The following DLGAP1 variants were observed in gnomAD, a reference collection of about 807,000 sequenced individuals.
DLGAP1 encodes DLG associated protein 1, also known as disks large-associated protein 1.
DLGAP1 carries 11 observed loss-of-function variants against 90.8 expected under a neutral mutation model. The ratio of observed to expected loss-of-function variants is 0.12; its 90% confidence interval spans 0.08 to 0.20. The LOEUF (loss-of-function observed/expected upper bound fraction) is 0.20. DLGAP1 is among the 10% of genes least tolerant of loss of function. The probability of loss-of-function intolerance (pLI) is 1.00; values close to 1 mark genes in which losing one functional copy is unlikely to be tolerated. For synonymous variants in DLGAP1, 558 were observed against 540.7 expected, an observed-to-expected ratio of 1.03 and a Z score of -0.44; for missense variants, 1,050 against 1,333.8, an observed-to-expected ratio of 0.79 and a Z score of 3.31.
intron 7 of DLGAP1, among the ~76,000 whole-genome samples, chr18:3,588,911 G>T (rs140854595): frequency 5.9e-5 from 9 of 152,210 alleles, no homozygotes; most frequent in African/African-American, 2.2e-4. Flanking sequence ...GGCCAGGCGC[G>T]GTGGCTTATG....
intron 4 of DLGAP1, among the ~76,000 whole-genome samples, chr18:3,834,175 G>A (rs1199776828): frequency 2.6e-5 from 4 of 151,612 alleles, no homozygotes; most frequent in Admixed American, 6.6e-5. Flanking sequence ...GTGTGGTGGC[G>A]GGCACCTGTA....
intron 1 of DLGAP1, among the ~76,000 whole-genome samples, chr18:4,356,374 T>C (rs57798661): frequency 3.5e-4 from 54 of 152,280 alleles, no homozygotes; most frequent in Non-Finnish European, 6.3e-4. Flanking sequence ...AATCTCTACA[T>C]AGATTACCAG....
chr18:4,293,923 C>G (rs565913445), intron 1 of DLGAP1: 1 of 152,170 alleles, frequency 6.6e-6, no homozygotes, highest in South Asian at 2.1e-4. Context: ...TTCCTACCTG[C>G]CAAAACTTTG....
intron 4 of DLGAP1, among the ~76,000 whole-genome samples, chr18:3,834,313 A>C (rs1195746351): frequency 1.3e-5 from 2 of 149,294 alleles, no homozygotes; most frequent in Admixed American, 1.3e-4. Context: ...CTCAAAAAAA[A>C]AAAAAAAAAA....
intron 2 of DLGAP1, among the ~76,000 whole-genome samples, chr18:4,093,792 A>C (rs531308441): frequency 2.2e-4 from 33 of 151,798 alleles, no homozygotes; most frequent in Non-Finnish European, 3.7e-4. Flanking sequence ...TCCTGTTTTT[A>C]TCTCTCTTGG....
chr18:4,151,954 T>C (rs2076681652), intron 1 of DLGAP1, among the ~76,000 whole-genome samples: 1 of 152,194 alleles, frequency 6.6e-6, no homozygotes, highest in African/African-American at 2.4e-5. Flanking sequence ...TCTGTACATG[T>C]ATCCCAGAAC....
chr18:3,868,120 T>G (rs1190800709), intron 4 of DLGAP1, among the ~76,000 whole-genome samples: 1 of 152,146 alleles, frequency 6.6e-6, no homozygotes, highest in African/African-American at 2.4e-5. Context: ...CGTTTTTGAC[T>G]AAAAGTGTCT....
intron 5 of DLGAP1, among the ~76,000 whole-genome samples, chr18:3,767,117 C>G (rs914346343): frequency 2.0e-5 from 3 of 152,060 alleles, no homozygotes; most frequent in African/African-American, 7.2e-5. Flanking sequence ...TAAAGGGATA[C>G]TATGAACAAC....
intron 1 of DLGAP1, among the ~76,000 whole-genome samples, chr18:4,412,235 C>T (rs1341366329): frequency 6.6e-6 from 1 of 152,148 alleles, no homozygotes; most frequent in Non-Finnish European, 1.5e-5. Flanking sequence ...GTGAGATTTG[C>T]AATATCTCAA....
intron 5 of DLGAP1, among the ~76,000 whole-genome samples, chr18:3,772,760 G>A (rs2064746710): frequency 6.6e-6 from 1 of 152,020 alleles, no homozygotes; most frequent in East Asian, 1.9e-4. Context: ...CCCCCTGGGA[G>A]CTTGTTAGGC....
intron 3 of DLGAP1, among the ~76,000 whole-genome samples, chr18:3,933,196 A>G (rs1461954828): frequency 6.6e-6 from 1 of 152,222 alleles, no homozygotes; most frequent in Non-Finnish European, 1.5e-5. Flanking sequence ...CTGAGTCACC[A>G]TCTTGGCCCT....
Position 4,376,183 on chromosome 18 carries a change from C to T in DLGAP1, c.-267+78823G>A, listed in dbSNP as rs1010851201. ...AGGAATTATTTCAAATACAGTATGT[C>T]GGCCAAGGCACCAACCAGCTGTTAA... On this transcript the variant is annotated intron_variant, in intron 1 of 12. Coordinates refer to ENST00000315677, the MANE Select transcript of DLGAP1 (RefSeq NM_004746.4). 9.9e-5 allele frequency among the ~76,000 whole-genome samples: 15 copies of T among 152,226 alleles called. 1 individual carries two copies. Among genetic ancestry groups the T allele is most frequent in the Admixed American group, 5.2e-4 (8 of 15,284 alleles).
intron 3 of DLGAP1, among the ~76,000 whole-genome samples, chr18:3,999,259 AC>A (rs2038687917): frequency 1.3e-5 from 2 of 152,056 alleles, no homozygotes; most frequent in African/African-American, 4.8e-5. Flanking sequence ...TACTATACAG[AC>A]TTTTCTCCAC....
At chr18:3,962,981 C>G (rs1269090427) in intron 3 of DLGAP1, among the ~76,000 whole-genome samples, 2 of 152,098 alleles carry the variant, frequency 1.3e-5, no homozygotes, top group Non-Finnish European at 2.9e-5. Flanking sequence ...TCTCAGTTAT[C>G]TATTCATGCT....
chr18:3,592,187 A>G (rs556837044), intron 7 of DLGAP1, among the ~76,000 whole-genome samples: 2 of 152,358 alleles, frequency 1.3e-5, no homozygotes, highest in South Asian at 4.1e-4. Context: ...GTCTGGTAGC[A>G]ATGATGAATG....
chr18:4,365,099 T>C (rs2081731780), intron 1 of DLGAP1, among the ~76,000 whole-genome samples: 1 of 152,178 alleles, frequency 6.6e-6, no homozygotes, highest in Non-Finnish European at 1.5e-5. Context: ...GAATTAATCT[T>C]CCTTGTGAAT....
rs113632716 is a variant in DLGAP1, at chr18:4,140,461, T to G, written c.-159+10719A>C. 1.7e-3 allele frequency among the ~76,000 whole-genome samples: 262 copies of G among 152,112 alleles called. 1 individual carries two copies. Among genetic ancestry groups the G allele is most frequent in the African/African-American group, 5.9e-3 (246 of 41,548 alleles). ...CCACTTTTAAATTTTCTTGTTTCTA[T>G]TTATATCTTATTCTACTGTCTATAT... On this transcript the variant is annotated intron_variant, in intron 2 of 12. Coordinates refer to ENST00000315677, the MANE Select transcript of DLGAP1 (RefSeq NM_004746.4).
At chr18:3,522,078 T>C (rs678742) in intron 10 of DLGAP1, among the ~76,000 whole-genome samples, 44,634 of 149,996 alleles carry the variant, frequency 0.3, 7,324 homozygotes, top group East Asian at 0.53. Flanking sequence ...TGAATTATAT[T>C]TCCTTATATT....
intron 10 of DLGAP1, among the ~76,000 whole-genome samples, chr18:3,523,665 G>A (rs1385631889): frequency 6.6e-6 from 1 of 152,036 alleles, no homozygotes. Context: ...GGCTAACACG[G>A]TGAAACCCCG....
Sources: allele counts gnomAD v4.1 joint callset (sites outside exome capture counted in the v4.1 genomes callset), GRCh38; gene constraint gnomAD v4.1.1; transcripts MANE v1.5; gene names NCBI Gene and HGNC (gene_info 2026-07-23, HGNC 2026-07-21).